The following KCNJ15 variants were observed in gnomAD, a reference collection of about 807,000 sequenced individuals.
KCNJ15 encodes ATP-sensitive inward rectifier potassium channel 15.
A neutral mutation model predicts 23.0 loss-of-function variants in KCNJ15; 14 were observed. The ratio of observed to expected loss-of-function variants is 0.61; its 90% CI spans 0.40 to 0.95. The LOEUF is 0.95. Among genes scored for constraint, KCNJ15 ranks in the 40% least tolerant of loss-of-function variants. The probability of loss-of-function intolerance (pLI) is 0.00; values close to 1 mark genes in which losing one functional copy is unlikely to be tolerated. For missense variants in KCNJ15, 388 were observed against 461.8 expected (o/e 0.84, Z 1.46); for synonymous variants, 185 against 183.2 (o/e 1.01, Z -0.08).
chr21:38,236,972 A>G (rs1483589887), intron 1 of KCNJ15, among the ~76,000 whole-genome samples: 1 of 152,148 alleles, frequency 6.6e-6, no homozygotes, highest in Non-Finnish European at 1.5e-5. Flanking sequence ...GTAACTCACA[A>G]TGTCACCAGG....
Position 38,300,415 on chromosome 21 carries a change from C to T in KCNJ15, c.*26C>T, listed in dbSNP as rs199939282. ...TCACAGGGGCGCCATCCAGGTTTAACCCTGCAAGCTGTTTCCACATCAGAA... is the reference window on the plus strand; with the variant it reads ...TCACAGGGGCGCCATCCAGGTTTAATCCTGCAAGCTGTTTCCACATCAGAA... On this transcript the variant is annotated 3_prime_UTR_variant, in exon 3 of 3. Coordinates refer to ENST00000398938, the MANE Select transcript of KCNJ15 (RefSeq NM_170736.3). 6.4e-7 allele frequency: 1 copy of T among 1,563,226 alleles called. No homozygotes were observed. Among genetic ancestry groups the T allele is most frequent in the South Asian group, 1.2e-5 (1 of 82,646 alleles).
intron 1 of KCNJ15, among the ~76,000 whole-genome samples, chr21:38,287,584 A>G (rs140574175): frequency 9.2e-5 from 14 of 152,358 alleles, no homozygotes; most frequent in African/African-American, 2.9e-4. Flanking sequence ...TGACAGGCTT[A>G]TACTAAATTA....
intron 1 of KCNJ15, among the ~76,000 whole-genome samples, chr21:38,247,047 TGG>T (rs1979422684): frequency 6.6e-6 from 1 of 151,626 alleles, no homozygotes. Context: ...GATGGATGGA[TGG>T]ATGGGTGAAT....
chr21:38,285,463 T>G (rs1328166623), intron 1 of KCNJ15: 1 of 152,228 alleles, frequency 6.6e-6, no homozygotes, highest in Non-Finnish European at 1.5e-5. Flanking sequence ...TTGTCCAAAG[T>G]CACACAGCTG....
chr21:38,269,555 A>G (rs960317042), intron 1 of KCNJ15, among the ~76,000 whole-genome samples: 2 of 152,230 alleles, frequency 1.3e-5, no homozygotes, highest in Non-Finnish European at 2.9e-5. Context: ...TATAAGGAGA[A>G]GAAGGGATAA....
rs116641586 is a variant in KCNJ15 at position 38,289,874 on chromosome 21, C to T, written c.-116-7052C>T. Among the ~76,000 whole-genome samples the T allele has an allele frequency of 8.5e-3, 1,293 of 152,340 alleles. 20 individuals carry two copies. Among genetic ancestry groups the T allele is most frequent in the African/African-American group, 0.03 (1,247 of 41,564 alleles). On this transcript the variant is annotated intron_variant, in intron 1 of 2. Coordinates refer to ENST00000398938, the MANE Select transcript of KCNJ15 (RefSeq NM_170736.3). ...CTCACAACAATGCATGTCCAAGCCACGCTGTGATTAGAGGGAGAATATGCT... is the reference window on the plus strand; with the variant it reads ...CTCACAACAATGCATGTCCAAGCCATGCTGTGATTAGAGGGAGAATATGCT...
chr21:38,276,381 A>G (rs954504941), intron 1 of KCNJ15, among the ~76,000 whole-genome samples: 1 of 152,114 alleles, frequency 6.6e-6, no homozygotes, highest in South Asian at 2.1e-4. Flanking sequence ...GCGTGTCCCC[A>G]TGGAGTTCAC....
At chr21:38,290,684 A>G (rs1054903377) in intron 1 of KCNJ15, among the ~76,000 whole-genome samples, 13 of 151,990 alleles carry the variant, frequency 8.6e-5, no homozygotes, top group African/African-American at 2.9e-4. Flanking sequence ...GAGAGCCTGC[A>G]TTTCTGACGA....
At chr21:38,262,989 C>T (rs1212423466) in intron 1 of KCNJ15, among the ~76,000 whole-genome samples, 1 of 152,158 alleles carries the variant, frequency 6.6e-6, no homozygotes, top group Non-Finnish European at 1.5e-5. Flanking sequence ...ACATTGATAT[C>T]TTAACGTCAC....
chr21:38,229,959 A>G (rs1311907028), intron 1 of KCNJ15, among the ~76,000 whole-genome samples: 1 of 152,184 alleles, frequency 6.6e-6, no homozygotes, highest in African/African-American at 2.4e-5. Flanking sequence ...TTTGGGTTGC[A>G]TCCACTTTTT....
At chr21:38,284,318 C>T (rs1054173649) in intron 1 of KCNJ15, among the ~76,000 whole-genome samples, 3 of 152,118 alleles carry the variant, frequency 2.0e-5, no homozygotes, top group African/African-American at 4.8e-5. Flanking sequence ...AGATAGCCTC[C>T]GCCCACCCCA....
In KCNJ15 at chr21:38,261,760, A is replaced by G. The variant is rs190623572; in HGVS notation, c.-117+4575A>G. On this transcript the variant is annotated intron_variant, in intron 1 of 2. Transcript: ENST00000398938. ...GCTTTTTCCACCTGAAAAGCCCCCA[A>G]CTTAAAACCTAAAGAACGTTATGCT... Among the ~76,000 whole-genome samples, 20 of 152,306 alleles carry G rather than the reference A, an allele frequency of 1.3e-4. No individual in the cohort carries two copies. The East Asian group carries it at 3.9e-3, about 29-fold the overall frequency.
In KCNJ15 at chr21:38,300,476, A is replaced by T; in HGVS notation, c.*87A>T. ...ACACAAAGATTGCTGTGAAAACGAA[A>T]ATGTGTAGACGCACTCTCAAAAACT... On this transcript the variant is annotated 3_prime_UTR_variant, in exon 3 of 3. Coordinates refer to ENST00000398938, the MANE Select transcript of KCNJ15 (RefSeq NM_170736.3). The T allele has an allele frequency of 8.2e-7, 1 of 1,212,470 alleles. No individual in the cohort carries two copies. The highest frequency in any genetic ancestry group is 1.2e-6 in the Non-Finnish European group (1 of 862,872). The allele number at this position is 1,212,470 out of a possible 1,614,324, so 75.1% of individuals were successfully genotyped here.
In KCNJ15 at chr21:38,299,439, G is replaced by C; in HGVS notation, c.178G>C (p.Asp60His). 6.2e-7 allele frequency: 1 copy of C among 1,614,154 alleles called. No homozygotes were observed. Among genetic ancestry groups the C allele is most frequent in the Non-Finnish European group, 8.5e-7 (1 of 1,180,014 alleles). ...YLQDLWTTVI[D>H]MKWRYKLTLF... The stretch of plus-strand genomic sequence containing the variant: ...GCAAGACCTGTGGACCACAGTTATC[G>C]ACATGAAGTGGAGATACAAACTCAC... Residue 60 changes from aspartate (D) to histidine (H), a missense_variant, in exon 3 of 3, where the codon GAC (aspartate) becomes CAC (histidine). Transcript: ENST00000398938. This position sits in a 1 kb window ranked among gnomAD's most constrained non-coding sequence, Gnocchi z 4.5.
At chr21:38,242,848 G>C (rs62223529) in intron 1 of KCNJ15, among the ~76,000 whole-genome samples, 4 of 152,132 alleles carry the variant, frequency 2.6e-5, no homozygotes, top group African/African-American at 9.7e-5. Flanking sequence ...CAGTAAGCTC[G>C]TCTGGGTAGG....
At chr21:38,273,021 A>T (rs1464299866) in intron 1 of KCNJ15, among the ~76,000 whole-genome samples, 2 of 152,250 alleles carry the variant, frequency 1.3e-5, no homozygotes, top group Non-Finnish European at 2.9e-5. Flanking sequence ...GGTTAGATAT[A>T]CAAATAAGTA....
intron 2 of KCNJ15, among the ~76,000 whole-genome samples, chr21:38,297,749 C>T (rs1400521286): frequency 6.6e-6 from 1 of 152,184 alleles, no homozygotes; most frequent in Non-Finnish European, 1.5e-5. Flanking sequence ...TCAAGGTAAA[C>T]AAATTTTGAA....
Position 38,302,785 on chromosome 21 carries a change from A to C in KCNJ15, c.*2396A>C, listed in dbSNP as rs1011215701. The C allele has an allele frequency of 2.6e-5, 4 of 152,222 alleles. No homozygotes were observed. The highest frequency in any genetic ancestry group is 4.4e-5 in the Non-Finnish European group (3 of 68,042). 9.4% of individuals were successfully genotyped at this position (152,222 alleles called of 1,614,324 possible). ...TACAAGGACGTAGCATAAGATCCAA[A>C]AAAAATTTTGTATTGTCATTTAGCA... On this transcript the variant is annotated 3_prime_UTR_variant, in exon 3 of 3. Transcript: ENST00000398938.
At chr21:38,285,613 G>A (rs1274103910) in intron 1 of KCNJ15, 1 of 152,214 alleles carries the variant, frequency 6.6e-6, no homozygotes. Flanking sequence ...CCAAGAAAGG[G>A]AGAAAATGAA....
Sources: allele counts gnomAD v4.1 joint callset (sites outside exome capture counted in the v4.1 genomes callset), GRCh38; gene constraint gnomAD v4.1.1; non-coding constraint Gnocchi (gnomAD v3.1); transcripts MANE v1.5; gene names NCBI Gene and HGNC (gene_info 2026-07-23, HGNC 2026-07-21).